Variants in CNGB3 observed in about 807,000 individuals in gnomAD.
The protein encoded by CNGB3 is cyclic nucleotide gated channel subunit beta 3.
In CNGB3, 86 loss-of-function variants were observed where a neutral mutation model predicts 92.8. That is an observed-to-expected ratio of 0.93 (90% CI 0.78 to 1.11). The LOEUF is 1.11. CNGB3 is among the 50% of genes least tolerant of loss of function. CNGB3 has a pLI of 0.00. For missense variants in CNGB3, 1,026 were observed against 956.8 expected (o/e 1.07, Z -0.95); for synonymous variants, 333 against 332.7 (o/e 1.00, Z -0.01).
intron 11 of CNGB3, among the ~76,000 whole-genome samples, chr8:86,629,863 C>T (rs1822926900): frequency 6.6e-6 from 1 of 152,140 alleles, no homozygotes; most frequent in African/African-American, 2.4e-5. Flanking sequence ...TAGCTCGACT[C>T]TTCCTCTCAC....
chr8:86,661,852 G>C (rs1010123628), intron 6 of CNGB3: 1 of 1,301,130 alleles, frequency 7.7e-7, no homozygotes, highest in Admixed American at 1.7e-5. Context: ...GGACGTTCCA[G>C]AACTGATGTC....
chr8:86,639,395 A>G (rs1263932978), intron 10 of CNGB3, among the ~76,000 whole-genome samples: 2 of 152,102 alleles, frequency 1.3e-5, no homozygotes, highest in African/African-American at 4.8e-5. Flanking sequence ...TTATTCACTC[A>G]ATATAAATAA....
At chr8:86,710,003 G>A (rs1198138103) in intron 3 of CNGB3, among the ~76,000 whole-genome samples, 1 of 152,122 alleles carries the variant, frequency 6.6e-6, no homozygotes, top group Non-Finnish European at 1.5e-5. Flanking sequence ...GAGATAAAAT[G>A]GTCAGTCCCT....
intron 6 of CNGB3, chr8:86,660,398 G>A (rs1260368372): frequency 2.2e-6 from 1 of 454,150 alleles, no homozygotes; most frequent in Non-Finnish European, 4.4e-6. Flanking sequence ...ATCCAGAGGA[G>A]AGTTAACCAG....
chr8:86,621,292 A>T (rs1011847310), intron 13 of CNGB3, among the ~76,000 whole-genome samples: 4 of 152,230 alleles, frequency 2.6e-5, no homozygotes, highest in Admixed American at 2.0e-4. Context: ...AATTTAGCTT[A>T]GTGACTTTCA....
chr8:86,688,828 T>C (rs1824241292), intron 3 of CNGB3, among the ~76,000 whole-genome samples: 1 of 151,994 alleles, frequency 6.6e-6, no homozygotes, highest in East Asian at 1.9e-4. Flanking sequence ...ACTATTTGTT[T>C]TACTGTACTG....
At chr8:86,645,207 C>A (rs749107960) in intron 8 of CNGB3, among the ~76,000 whole-genome samples, 1 of 151,276 alleles carries the variant, frequency 6.6e-6, no homozygotes, top group African/African-American at 2.4e-5. Context: ...TTCAAAGATA[C>A]AAAGAGTTTA....
chr8:86,578,954 TA>T, intron 16 of CNGB3, 91 bp from the exon 17 acceptor site: 1 of 1,554,324 alleles, frequency 6.4e-7, no homozygotes, highest in Non-Finnish European at 8.9e-7. Context: ...CTAACCTGTG[TA>T]GTTTCAATGG....
intron 4 of CNGB3, among the ~76,000 whole-genome samples, chr8:86,670,002 A>G (rs1189411209): frequency 6.6e-6 from 1 of 152,002 alleles, no homozygotes; most frequent in Non-Finnish European, 1.5e-5. Context: ...GGCATGTGCC[A>G]CCATGCCTTT....
intron 2 of CNGB3, among the ~76,000 whole-genome samples, chr8:86,729,102 G>A (rs1324842045): frequency 6.6e-6 from 1 of 152,036 alleles, no homozygotes; most frequent in Non-Finnish European, 1.5e-5. Context: ...GTCGAGATGG[G>A]GTTTTGCCAT....
intron 3 of CNGB3, among the ~76,000 whole-genome samples, chr8:86,696,877 G>A (rs965017484): frequency 1.3e-5 from 2 of 151,856 alleles, no homozygotes; most frequent in African/African-American, 4.8e-5. Context: ...GGTGAGTTTG[G>A]TCCATTTACT....
At chr8:86,724,160 T>A (rs966545278) in intron 3 of CNGB3, among the ~76,000 whole-genome samples, 5 of 152,294 alleles carry the variant, frequency 3.3e-5, no homozygotes, top group African/African-American at 1.2e-4. Context: ...TCAACCTGCA[T>A]ATGTACCCAT....
chr8:86,619,974 A>C (rs1003622662), intron 13 of CNGB3, among the ~76,000 whole-genome samples: 3 of 151,830 alleles, frequency 2.0e-5, no homozygotes, highest in Admixed American at 2.0e-4. Flanking sequence ...TCTTGCCTCA[A>C]CCTCCCAAAG....
chr8:86,646,704 C>T (rs1203837867), intron 8 of CNGB3, among the ~76,000 whole-genome samples: 3 of 151,066 alleles, frequency 2.0e-5, no homozygotes, highest in African/African-American at 7.3e-5. Flanking sequence ...TAATTACCTA[C>T]AATTTATAAA....
intron 1 of CNGB3, 103 bp from the exon 2 acceptor site, chr8:86,739,839 T>TAAAATA (rs1825311861): frequency 7.7e-7 from 1 of 1,292,372 alleles, no homozygotes; most frequent in South Asian, 1.2e-5. Context: ...ATCAGATCAT[T>TAAAATA]AAAATTGACT....
chr8:86,588,076 A>G (rs1821935186), intron 15 of CNGB3, among the ~76,000 whole-genome samples: 1 of 138,872 alleles, frequency 7.2e-6, no homozygotes, highest in Admixed American at 7.2e-5. Flanking sequence ...TTGGATTCCT[A>G]GGTATTTTAT....
rs769279449 is a variant in CNGB3, at chr8:86,644,647, T to C, written c.1030A>G (p.Ile344Val). The C allele has an allele frequency of 7.5e-6, 12 of 1,599,644 alleles. No individual in the cohort carries two copies. In the Admixed American group the frequency reaches 2.0e-4, roughly 27 times the overall value. The change falls in exon 9 of 18, where the codon ATA (isoleucine) becomes GTA (valine). Residue 344 changes from isoleucine (I) to valine (V), a missense_variant. By Grantham distance (29) the Ile-to-Val change is conservative. Transcript: ENST00000320005. ...CTGTAGATATATGCTTTGTCCATTA[T>C]AGACTCTAGGTGATGATTAAATTCA... is the stretch of plus-strand genomic sequence containing the variant. ...FFEFNHHLESIMDKAYIYRVI... is the reference protein window; with the variant it reads ...FFEFNHHLESVMDKAYIYRVI...
rs371424750 is a variant in CNGB3, at chr8:86,579,110, C to A, written c.1924G>T (p.Ala642Ser). 1 of 1,614,178 alleles carries A rather than the reference C, an allele frequency of 6.2e-7. No homozygotes were observed. Among genetic ancestry groups the A allele is most frequent in the African/African-American group, 1.3e-5 (1 of 75,050 alleles). The change falls in exon 16 of 18, where the codon GCC becomes TCC. Residue 642 changes from alanine to serine, a missense_variant. Coordinates refer to ENST00000320005, the MANE Select transcript of CNGB3 (RefSeq NM_019098.5). Reference sequence around the variant, plus strand: ...ATGGTGTTTTAAAGGTTGTACCTGGCTTTCTTCATGAGGATCCTTTCAGAA... The same window carrying A: ...ATGGTGTTTTAAAGGTTGTACCTGGATTTCTTCATGAGGATCCTTTCAGAA... ...PDSERILMKK[A>S]RVLLKQKAKT... is the part of the protein sequence containing the mutation.
chr8:86,576,019 CT>C lies in CNGB3; in HGVS notation c.2214del (p.Asp739IlefsTer90). On this transcript the variant is annotated frameshift_variant, in exon 18 of 18. Transcript: ENST00000320005. LOFTEE classifies it low-confidence loss of function (END_TRUNC). ...TCTGGCTCTCTTCCTTTATCTTTAT[CT>C]TCATTTTCTTTTCCTTTATCTTCAT... ...KENEDKGKEN[E>X]DKDKGREPEE... 1 of 1,611,720 alleles carries C rather than the reference CT, an allele frequency of 6.2e-7. No homozygotes were observed. The highest frequency in any genetic ancestry group is 8.5e-7 in the Non-Finnish European group (1 of 1,178,654).
Sources: gnomAD v4.1 joint callset for allele counts (sites outside exome capture counted in the v4.1 genomes callset) on GRCh38, gnomAD v4.1.1 for gene constraint, MANE v1.5 for transcripts, NCBI Gene and HGNC (gene_info 2026-07-23, HGNC 2026-07-21) for gene names.